ITPR1: variants seen among roughly 807,000 people sequenced by gnomAD.
ITPR1 encodes inositol 1,4,5-trisphosphate-gated calcium channel ITPR1.
ITPR1 carries 96 observed loss-of-function variants against 318.4 expected under a neutral mutation model. The observed-to-expected ratio is 0.30, with a 90% CI of 0.26 to 0.36. ITPR1 has a LOEUF of 0.36. Ranked by LOEUF, ITPR1 falls within the 10% of genes least tolerant of loss-of-function variation. The pLI, the probability that ITPR1 is intolerant of heterozygous loss-of-function variation, is 1.00. For synonymous variants in ITPR1, 1,312 were observed against 1,289.9 expected (o/e 1.02, Z -0.37); for missense variants, 2,440 against 3,460.2 (o/e 0.71, Z 7.40).
chr3:4,780,649 A>G (rs2046769100), intron 49 of ITPR1, among the ~76,000 whole-genome samples: 1 of 152,190 alleles, frequency 6.6e-6, no homozygotes, highest in Non-Finnish European at 1.5e-5. Flanking sequence ...CCCTTTATGT[A>G]TGCTTTTAAA....
In ITPR1 at chr3:4,836,896, C is replaced by T; in HGVS notation, c.8151C>T (p.Val2717=). The T allele has an allele frequency of 1.3e-6, 2 of 1,597,204 alleles. No homozygotes were observed. The highest frequency in any genetic ancestry group is 2.7e-5 in the African/African-American group (2 of 74,810). The change falls in exon 61 of 62, where the codon GTC becomes GTT. Residue 2717 remains valine, a synonymous_variant. Transcript: ENST00000649015. ...AGCTGGAGTCCACCATGAAACTTGT[C>T]ACGAACCTTTCTGGCCAGCTGTCGG... ...QEKLESTMKL[V]TNLSGQLSEL...
At chr3:4,566,047 C>T (rs932553818) in intron 4 of ITPR1, among the ~76,000 whole-genome samples, 1 of 152,094 alleles carries the variant, frequency 6.6e-6, no homozygotes, top group African/African-American at 2.4e-5. Flanking sequence ...TCCTGGTAGC[C>T]AAATCCCTGT....
chr3:4,778,833 C>G (rs964608849), intron 48 of ITPR1, among the ~76,000 whole-genome samples: 1 of 151,872 alleles, frequency 6.6e-6, no homozygotes, highest in Non-Finnish European at 1.5e-5. Flanking sequence ...CTCTCACTGT[C>G]CAAAAAAAGA....
At chr3:4,688,348 G>A (rs996962525) in intron 30 of ITPR1, 147 bp from the exon 31 acceptor site, 47 of 857,890 alleles carry the variant, frequency 5.5e-5, no homozygotes, top group Admixed American at 9.2e-5. Flanking sequence ...TCTTTTCAGC[G>A]TCAGCAGTGC....
At chr3:4,568,737 GGATAT>G (rs1303049686) in intron 4 of ITPR1, among the ~76,000 whole-genome samples, 3 of 152,160 alleles carry the variant, frequency 2.0e-5, no homozygotes, top group Admixed American at 6.5e-5. Flanking sequence ...GGTGTCAGGC[GGATAT>G]GGTTCCAGAT....
intron 44 of ITPR1, among the ~76,000 whole-genome samples, chr3:4,736,690 T>G (rs1262466194): frequency 6.6e-6 from 1 of 152,202 alleles, no homozygotes; most frequent in Admixed American, 6.5e-5. Context: ...CATGTGTGTG[T>G]GGGTGGGTCC....
rs1367675385 is a variant in ITPR1, at chr3:4,670,936, A to G, written c.2204+10A>G. On this transcript the variant is annotated intron_variant, in intron 20 of 61. Transcript: ENST00000649015. ...TTCTCAGCTACTACAGGTGCGTGGG[A>G]CACGTGTGGGGCTCAGATTGGGGTG... 2 of 1,538,118 alleles carry G rather than the reference A, an allele frequency of 1.3e-6. No individual in the cohort carries two copies. The highest frequency in any genetic ancestry group is 1.8e-6 in the Non-Finnish European group (2 of 1,141,784).
intron 2 of ITPR1, among the ~76,000 whole-genome samples, chr3:4,515,175 A>C (rs2082092715): frequency 6.6e-6 from 1 of 152,204 alleles, no homozygotes. Context: ...TAAGCAGTGA[A>C]CTGAGGTTCT....
chr3:4,828,121 T>C (rs1559967790), intron 60 of ITPR1, among the ~76,000 whole-genome samples: 1 of 152,198 alleles, frequency 6.6e-6, no homozygotes. Context: ...AGGATGTGTG[T>C]GTGTGTTTTC....
chr3:4,599,636 A>G (rs2091117432), intron 4 of ITPR1, among the ~76,000 whole-genome samples: 1 of 152,184 alleles, frequency 6.6e-6, no homozygotes, highest in Admixed American at 6.5e-5. Context: ...AAAACTGGGA[A>G]CAAGAGAAGC....
intron 4 of ITPR1, among the ~76,000 whole-genome samples, chr3:4,542,588 C>T (rs574722552): frequency 6.7e-6 from 1 of 149,416 alleles, no homozygotes; most frequent in Admixed American, 6.7e-5. Context: ...AAACTCTCCT[C>T]GTAGTTCACA....
At chr3:4,557,131 A>G (rs976893280) in intron 4 of ITPR1, among the ~76,000 whole-genome samples, 3 of 152,188 alleles carry the variant, frequency 2.0e-5, no homozygotes, top group South Asian at 4.1e-4. Flanking sequence ...TCACGCTGCT[A>G]ATAAAGACAT....
intron 4 of ITPR1, among the ~76,000 whole-genome samples, chr3:4,572,450 C>T (rs545909587): frequency 1.0e-3 from 158 of 152,064 alleles, no homozygotes; most frequent in African/African-American, 3.4e-3. Flanking sequence ...TATAAAAGAA[C>T]GCAAATTTGC....
At chr3:4,724,841 G>A (rs971545037) in intron 40 of ITPR1, among the ~76,000 whole-genome samples, 1 of 152,162 alleles carries the variant, frequency 6.6e-6, no homozygotes, top group Admixed American at 6.5e-5. Flanking sequence ...TCAAGGGGGA[G>A]GGTGGTATCT....
intron 4 of ITPR1, among the ~76,000 whole-genome samples, chr3:4,534,980 A>T (rs2083728653): frequency 1.3e-5 from 2 of 152,332 alleles, no homozygotes; most frequent in Non-Finnish European, 2.9e-5. Flanking sequence ...TCAGTGAAAA[A>T]TTTGACCTTA....
rs564772756 is a variant in ITPR1, at chr3:4,574,323, G to GT, written c.163+53230dup. On this transcript the variant is annotated intron_variant, in intron 4 of 61. Transcript: ENST00000649015. Reference sequence around the variant, plus strand: ...TCTTGGCTGCTCCTTATTACCTGCAGTCACATTTCCTGTTGTAATGTGAGG... The same window carrying GT: ...TCTTGGCTGCTCCTTATTACCTGCAGTTCACATTTCCTGTTGTAATGTGAGG... Among the ~76,000 whole-genome samples the GT allele has an allele frequency of 5.3e-5, 8 of 151,954 alleles. No homozygotes were observed. In the South Asian group the frequency reaches 1.7e-3, roughly 32 times the overall value.
chr3:4,593,483 T>C (rs1426170479), intron 4 of ITPR1, among the ~76,000 whole-genome samples: 1 of 152,206 alleles, frequency 6.6e-6, no homozygotes, highest in Non-Finnish European at 1.5e-5. Context: ...GGTTGCATTT[T>C]ATAGTTTGTC....
chr3:4,722,184 G>T (rs955671572), intron 40 of ITPR1, among the ~76,000 whole-genome samples: 1 of 152,130 alleles, frequency 6.6e-6, no homozygotes, highest in African/African-American at 2.4e-5. Context: ...ATTAAGTTAG[G>T]TTTTGCTCAC....
In ITPR1 at chr3:4,778,597, A is replaced by T. The variant is rs540063015; in HGVS notation, c.6292-953A>T. On this transcript the variant is annotated intron_variant, in intron 48 of 61. Transcript: ENST00000649015. ...TCTGCTATTTTTAATTCCTTTTGAC[A>T]AATTGTGTTTTAGAGTGAATTTTAA... Among the ~76,000 whole-genome samples the T allele has an allele frequency of 3.3e-5, 5 of 152,286 alleles. No homozygotes were observed. The South Asian group carries it at 1.0e-3, about 32-fold the overall frequency.
Sources: allele counts gnomAD v4.1 joint callset (sites outside exome capture counted in the v4.1 genomes callset), GRCh38; gene constraint gnomAD v4.1.1; transcripts MANE v1.5; gene names NCBI Gene and HGNC (gene_info 2026-07-23, HGNC 2026-07-21).